The following TENM3 variants were observed in gnomAD, a reference collection of about 807,000 sequenced individuals.
TENM3 encodes the protein teneurin-3.
TENM3 carries 63 observed loss-of-function variants against 255.1 expected under a neutral mutation model. The observed-to-expected ratio is 0.25, with a 90% confidence interval of 0.20 to 0.30. The LOEUF is 0.30. Among genes scored for constraint, TENM3 ranks in the 10% least tolerant of loss-of-function variants. The probability of loss-of-function intolerance (pLI) is 1.00; values close to 1 mark genes in which losing one functional copy is unlikely to be tolerated. For missense variants in TENM3, 2,929 were observed against 3,461.1 expected (o/e 0.85, Z 3.86); for synonymous variants, 1,306 against 1,322.3 (o/e 0.99, Z 0.27).
At chr4:182,784,914 C>T (rs975256564) in intron 24 of TENM3, among the ~76,000 whole-genome samples, 1 of 152,122 alleles carries the variant, frequency 6.6e-6, no homozygotes, top group Non-Finnish European at 1.5e-5. Context: ...TGCTTCGGCT[C>T]GCGCACGGTG....
chr4:181,605,480 G>GAA, the TENM3 span, among the ~76,000 whole-genome samples: 44 of 63,972 alleles, frequency 6.9e-4, 3 homozygotes, highest in African/African-American at 2.6e-3. Context: ...GAGAGAAACA[G>GAA]AGAAAGAAAG....
In TENM3 at chr4:182,653,763, A is replaced by T. The variant is rs1380143793; in HGVS notation, c.989-8A>T. ...GATCTTTAAACAACTTGTGTTCTTT[A>T]CCCCCAGCAATGCATCTCTTTGGCC... On this transcript the variant is annotated splice_region_variant and splice_polypyrimidine_tract_variant and intron_variant, in intron 5 of 27. Coordinates refer to ENST00000511685, the MANE Select transcript of TENM3 (RefSeq NM_001080477.4). 1 of 1,603,188 alleles carries T rather than the reference A, an allele frequency of 6.2e-7. No individual in the cohort carries two copies. Among genetic ancestry groups the T allele is most frequent in the Non-Finnish European group, 8.5e-7 (1 of 1,174,784 alleles).
chr4:182,235,877 A>C (rs978260307), intron 1 of TENM3, among the ~76,000 whole-genome samples: 4 of 152,214 alleles, frequency 2.6e-5, no homozygotes, highest in African/African-American at 2.4e-5. Flanking sequence ...TGCTGTAGTC[A>C]CTGAGGCTAG....
chr4:182,390,543 A>G (rs1768353291), intron 3 of TENM3, among the ~76,000 whole-genome samples: 1 of 152,158 alleles, frequency 6.6e-6, no homozygotes, highest in South Asian at 2.1e-4. Context: ...GCCCTGATCT[A>G]CAAGATCGTT....
intron 19 of TENM3, among the ~76,000 whole-genome samples, chr4:182,750,986 C>G (rs957687291): frequency 1.3e-5 from 2 of 152,148 alleles, no homozygotes; most frequent in Non-Finnish European, 2.9e-5. Flanking sequence ...TTTGTCCCCT[C>G]CTTAACAGTG....
chr4:182,540,600 T>C (rs1740776520), intron 3 of TENM3, among the ~76,000 whole-genome samples: 1 of 152,084 alleles, frequency 6.6e-6, no homozygotes, highest in South Asian at 2.1e-4. Context: ...AAAAAAATTT[T>C]TCACTTAAAA....
At chr4:181,893,704 G>A in the TENM3 span, among the ~76,000 whole-genome samples, 1 of 151,904 alleles carries the variant, frequency 6.6e-6, no homozygotes, top group Non-Finnish European at 1.5e-5. Context: ...GTTAGTATTT[G>A]GTCCTGTTTC....
chr4:181,577,372 T>G, the TENM3 span, among the ~76,000 whole-genome samples: 3 of 151,472 alleles, frequency 2.0e-5, no homozygotes, highest in East Asian at 5.9e-4. Context: ...GATTTTCTCT[T>G]TGTCCTTGGA....
intron 2 of TENM3, among the ~76,000 whole-genome samples, chr4:182,330,381 T>C (rs13129891): frequency 0.18 from 27,132 of 152,122 alleles, 2,758 homozygotes; most frequent in East Asian, 0.36. Flanking sequence ...CTGGGCAAGG[T>C]CTGCTCGTTC....
intron 3 of TENM3, among the ~76,000 whole-genome samples, chr4:182,512,298 A>G (rs765310445): frequency 3.3e-5 from 5 of 152,174 alleles, no homozygotes; most frequent in South Asian, 2.1e-4. Flanking sequence ...GCTAAACGGT[A>G]AAAGCAAAGG....
At chr4:182,604,503 G>A (rs1229409033) in intron 4 of TENM3, among the ~76,000 whole-genome samples, 2 of 152,150 alleles carry the variant, frequency 1.3e-5, no homozygotes, top group Non-Finnish European at 2.9e-5. Context: ...GCTTCAGTAT[G>A]TAATAATAGC....
intron 7 of TENM3, among the ~76,000 whole-genome samples, chr4:182,674,848 G>A (rs1046774362): frequency 1.3e-5 from 2 of 151,996 alleles, no homozygotes; most frequent in Non-Finnish European, 1.5e-5. Flanking sequence ...TGGGATTACA[G>A]GCATGAGCCA....
intron 3 of TENM3, among the ~76,000 whole-genome samples, chr4:182,463,649 G>A (rs1163735007): frequency 6.7e-6 from 1 of 149,906 alleles, no homozygotes; most frequent in Non-Finnish European, 1.5e-5. Flanking sequence ...TTGAGACAGA[G>A]TTTTGCTCTT....
chr4:182,198,409 T>C (rs537118738), intron 1 of TENM3, among the ~76,000 whole-genome samples: 21 of 152,360 alleles, frequency 1.4e-4, no homozygotes, highest in South Asian at 2.1e-4. Context: ...CTTTGTGAAC[T>C]CAAGGCGGTG....
chr4:182,455,857 C>T (rs180777084), intron 3 of TENM3, among the ~76,000 whole-genome samples: 239 of 152,222 alleles, frequency 1.6e-3, no homozygotes, highest in African/African-American at 5.5e-3. Context: ...CCACCGCACC[C>T]GGCCTTGCAC....
At chr4:181,496,451 C>G in the TENM3 span, among the ~76,000 whole-genome samples, 1 of 152,174 alleles carries the variant, frequency 6.6e-6, no homozygotes, top group African/African-American at 2.4e-5. Context: ...CAGTAGCCCA[C>G]AGACCACATT....
the TENM3 span, among the ~76,000 whole-genome samples, chr4:182,129,360 T>G: frequency 6.6e-5 from 10 of 152,170 alleles, no homozygotes; most frequent in Admixed American, 5.9e-4. Context: ...TTTTAGAGTA[T>G]CACAAATCTG....
At chr4:181,864,224 G>A in the TENM3 span, among the ~76,000 whole-genome samples, 60 of 152,264 alleles carry the variant, frequency 3.9e-4, no homozygotes, top group African/African-American at 1.4e-3. Context: ...ACTATAAGAG[G>A]CAAAGAACTA....
chr4:181,542,039 G>C, the TENM3 span, among the ~76,000 whole-genome samples: 1 of 152,150 alleles, frequency 6.6e-6, no homozygotes, highest in African/African-American at 2.4e-5. Context: ...TCTTCTTAGG[G>C]AAGAAGTCTT....
Sources: gnomAD v4.1 joint callset for allele counts (sites outside exome capture counted in the v4.1 genomes callset) on GRCh38, gnomAD v4.1.1 for gene constraint, MANE v1.5 for transcripts, NCBI Gene and HGNC (gene_info 2026-07-23, HGNC 2026-07-21) for gene names.